Variants in SEZ6L2 observed in about 807,000 individuals in gnomAD.
SEZ6L2 encodes the protein seizure related 6 homolog like 2, also known as seizure 6-like protein 2.
SEZ6L2 carries 44 observed loss-of-function variants against 97.0 expected under a neutral mutation model. That is an observed-to-expected ratio of 0.45 (90% CI 0.36 to 0.58). The LOEUF (loss-of-function observed/expected upper bound fraction) is 0.58, where lower values mean the gene tolerates loss of function less well. SEZ6L2 is among the 20% of genes least tolerant of loss of function. SEZ6L2 has a pLI of 0.00. For missense variants in SEZ6L2, 1,086 were observed against 1,233.3 expected (o/e 0.88, Z 1.79); for synonymous variants, 543 against 546.1 (o/e 0.99, Z 0.08).
At chr16:29,878,557 T>C in intron 9 of SEZ6L2, 132 bp from the exon 10 acceptor site, 1 of 570,652 alleles carries the variant, frequency 1.8e-6, no homozygotes, top group Non-Finnish European at 2.6e-6. Context: ...TCCACCTGTT[T>C]CTTTTATTCT....
intron 7 of SEZ6L2, chr16:29,885,973 T>C (rs780067943): frequency 1.0e-4 from 43 of 427,516 alleles, no homozygotes; most frequent in Non-Finnish European, 1.5e-4. Context: ...TATTAGGGCA[T>C]AGAAAGATCA....
chr16:29,875,739 T>G (rs961459486), intron 12 of SEZ6L2, among the ~76,000 whole-genome samples: 1 of 147,550 alleles, frequency 6.8e-6, no homozygotes. Context: ...CTCAGCTTAC[T>G]GCAACCTCCA....
chr16:29,887,843 AG>A (rs2068181309), intron 6 of SEZ6L2, 26 bp from the exon 7 acceptor site: 1 of 1,611,914 alleles, frequency 6.2e-7, no homozygotes, highest in East Asian at 2.2e-5. Context: ...GGGTACGTTA[AG>A]GCCAGCCTGA....
intron 3 of SEZ6L2, among the ~76,000 whole-genome samples, 165 bp downstream of exon 3, chr16:29,896,657 C>T (rs2068396901): frequency 6.6e-6 from 1 of 152,194 alleles, no homozygotes; most frequent in Non-Finnish European, 1.5e-5. Context: ...ACAATTGGAA[C>T]ACTGCCTGGT....
At position 29,899,121 on chromosome 16, in the gene SEZ6L2, T is replaced by C. The variant is rs1273454045; in HGVS notation, c.-102A>G. 2.3e-6 allele frequency: 2 copies of C among 873,326 alleles called. No individual in the cohort carries two copies. Among genetic ancestry groups the C allele is most frequent in the African/African-American group, 3.5e-5 (2 of 56,754 alleles). 54.1% of individuals were successfully genotyped at this position (873,326 alleles called of 1,614,324 possible). On this transcript the variant is annotated 5_prime_UTR_variant, in exon 1 of 18. Transcript: ENST00000617533. ...CTTTCCCTTTAATTGTTTTTTTTTT[T>C]TTTTTTTTTTTCCTCGTAGGAGTCA...
At chr16:29,888,828 G>C in intron 5 of SEZ6L2, 103 bp from the exon 6 acceptor site, 1 of 1,039,816 alleles carries the variant, frequency 9.6e-7, no homozygotes, top group South Asian at 1.6e-5. Context: ...CAACCTTCCA[G>C]GGGCACACAC....
In SEZ6L2 at chr16:29,899,191, A is replaced by T; in HGVS notation, c.-172T>A. 1 of 584,808 alleles carries T rather than the reference A, an allele frequency of 1.7e-6. No individual in the cohort carries two copies. Among genetic ancestry groups the T allele is most frequent in the South Asian group, 1.8e-5 (1 of 54,224 alleles). 36.2% of individuals were successfully genotyped at this position (584,808 alleles called of 1,614,324 possible). A position where few individuals can be genotyped will look rare whatever the true frequency, so the allele number is the denominator to read the frequency against. On this transcript the variant is annotated 5_prime_UTR_variant, in exon 1 of 18. Transcript: ENST00000617533. ...CTGCCCCTTGGGATGGAGGGGCAGA[A>T]TTGGGCTAGGGGTCGCCTGGAGCCC...
chr16:29,892,194 G>A (rs1048110849), intron 5 of SEZ6L2, among the ~76,000 whole-genome samples: 3 of 152,308 alleles, frequency 2.0e-5, no homozygotes, highest in Admixed American at 1.3e-4. Flanking sequence ...AACTAATGAG[G>A]CCACTCTGGA....
Position 29,873,582 on chromosome 16 carries a change from T to G in SEZ6L2, c.2252A>C (p.Asp751Ala). 1 of 1,614,056 alleles carries G rather than the reference T, an allele frequency of 6.2e-7. No individual in the cohort carries two copies. Among genetic ancestry groups the G allele is most frequent in the South Asian group, 1.1e-5 (1 of 91,082 alleles). Residue 751 changes from aspartate (D) to alanine (A), a missense_variant, in exon 13 of 18, where the codon GAC (aspartate) becomes GCC (alanine). Asp to Ala is a moderately radical substitution (Grantham distance 126, BLOSUM62 -2). This residue lies in a region of SEZ6L2 where 310 missense variants were observed against 438.6 expected (regional missense o/e 0.71). Transcript: ENST00000617533. This position sits in a 1 kb window ranked among gnomAD's most constrained non-coding sequence, Gnocchi z 4.3. ...ATCGCTCCACTTGGGTGTGCCTGTG[T>G]CCCGGCTGTAGCAGGTGAGCATGGC... ...GAAMLTCYSR[D>A]TGTPKWSDRV... is the part of the protein sequence containing the mutation.
At chr16:29,880,788 G>T (rs1199122989) in intron 8 of SEZ6L2, among the ~76,000 whole-genome samples, 1 of 149,688 alleles carries the variant, frequency 6.7e-6, no homozygotes, top group Non-Finnish European at 1.5e-5. Context: ...TAGAGACAGG[G>T]TCTCACTCTG....
Position 29,887,785 on chromosome 16 carries a change from G to A in SEZ6L2, c.1072C>T (p.Leu358=). 6.2e-7 allele frequency: 1 copy of A among 1,613,928 alleles called. No individual in the cohort carries two copies. The highest frequency in any genetic ancestry group is 8.5e-7 in the Non-Finnish European group (1 of 1,179,960). Residue 358 remains leucine, a synonymous_variant, in exon 7 of 18, where the codon CTG becomes TTG. Transcript: ENST00000617533. ...GGCTCTGGGGACACGATGCGGCCCA[G>A]GGTGGCATTGTGGATGGTGCCACCA... ...SCGGTIHNAT[L]GRIVSPEPGG...
rs576176235 is a variant in SEZ6L2 at position 29,873,854 on chromosome 16, G to A, written c.2105-125C>T. On this transcript the variant is annotated intron_variant, in intron 12 of 17. Transcript: ENST00000617533. This position sits in a 1 kb window ranked among gnomAD's most constrained non-coding sequence, Gnocchi z 4.3. Reference sequence around the variant, plus strand: ...CCAGGAGTGGTGGCGCACTCCTGTGGTTCCAGCTACTCAGGAGTTGGAGGC... The same window carrying A: ...CCAGGAGTGGTGGCGCACTCCTGTGATTCCAGCTACTCAGGAGTTGGAGGC... 6 of 840,702 alleles carry A rather than the reference G, an allele frequency of 7.1e-6. No individual in the cohort carries two copies. The East Asian group carries it at 8.1e-5, about 11-fold the overall frequency. The allele number at this position is 840,702 out of a possible 1,614,324, so 52.1% of individuals were successfully genotyped here.
chr16:29,896,436 C>T (rs1391451350), intron 3 of SEZ6L2, among the ~76,000 whole-genome samples: 3 of 152,082 alleles, frequency 2.0e-5, no homozygotes, highest in East Asian at 1.9e-4. Flanking sequence ...TGCGCCACCA[C>T]GCCTGGCTAA....
intron 5 of SEZ6L2, among the ~76,000 whole-genome samples, chr16:29,891,943 A>T (rs553575458): frequency 6.6e-6 from 1 of 152,350 alleles, no homozygotes; most frequent in African/African-American, 2.4e-5. Context: ...GCCTCAATTA[A>T]TGAATGACTG....
chr16:29,897,007 G>A lies in SEZ6L2; in HGVS notation c.326C>T (p.Pro109Leu). The change falls in exon 3 of 18, where the codon CCT (proline) becomes CTT (leucine). Residue 109 changes from proline (P) to leucine (L), a missense_variant. Around this residue, in one of 2 missense-constraint regions of SEZ6L2, gnomAD observed 776 missense variants for 794.7 expected, o/e 0.98. Coordinates refer to ENST00000617533, the MANE Select transcript of SEZ6L2 (RefSeq NM_001243332.2). Reference protein sequence around the residue: ...GTGPLTTAVTPNGVRGAGPTA... With the variant: ...GTGPLTTAVTLNGVRGAGPTA... ...GGGGCCTGCCCCCCTGACCCCGTTA[G>A]GGGTGACGGCTGTTGTCAGAGGCCC... 6.9e-6 allele frequency: 11 copies of A among 1,585,514 alleles called. No homozygotes were observed. The highest frequency in any genetic ancestry group is 8.5e-6 in the Non-Finnish European group (10 of 1,169,868).
In SEZ6L2 at chr16:29,871,679, T is replaced by C. The variant is rs1405740863; in HGVS notation, c.*20A>G. ...AGGAGGGGAGGGGCGTCCTGGGTCCTGCAGCTGTAGTCTTGGGGTTCAGAT... is the reference window on the plus strand; with the variant it reads ...AGGAGGGGAGGGGCGTCCTGGGTCCCGCAGCTGTAGTCTTGGGGTTCAGAT... On this transcript the variant is annotated 3_prime_UTR_variant, in exon 18 of 18. Transcript: ENST00000617533. 3 of 1,606,374 alleles carry C rather than the reference T, an allele frequency of 1.9e-6. No individual in the cohort carries two copies. Among genetic ancestry groups the C allele is most frequent in the Non-Finnish European group, 2.6e-6 (3 of 1,176,314 alleles).
chr16:29,871,633 G>T lies in SEZ6L2; in HGVS notation c.*66C>A. 6.6e-7 allele frequency: 1 copy of T among 1,521,114 alleles called. No homozygotes were observed. Among genetic ancestry groups the T allele is most frequent in the East Asian group, 2.4e-5 (1 of 42,534 alleles). The allele number at this position is 1,521,114 out of a possible 1,614,324, so 94.2% of individuals were successfully genotyped here. A position where few individuals can be genotyped will look rare whatever the true frequency, so the allele number is the denominator to read the frequency against. On this transcript the variant is annotated 3_prime_UTR_variant, in exon 18 of 18. Transcript: ENST00000617533. ...AGCCAGGAGGCAGAGACCGGGTCCC[G>T]TATTTCCCTCTGCCCGAATGAGGAG...
At chr16:29,872,611 G>A in intron 15 of SEZ6L2, 85 bp from the exon 16 acceptor site, 1 of 1,598,780 alleles carries the variant, frequency 6.3e-7, no homozygotes, top group South Asian at 1.1e-5. Context: ...TCAAACCCTG[G>A]GCTTCATCCC....
At position 29,888,721 on chromosome 16, in the gene SEZ6L2, G is replaced by T; in HGVS notation, c.858C>A (p.Tyr286Ter). Residue 286 changes from tyrosine (Y) to a stop codon, truncating the protein, a stop_gained, in exon 6 of 18, where the codon TAC becomes TAA. Coordinates refer to ENST00000617533, the MANE Select transcript of SEZ6L2 (RefSeq NM_001243332.2). LOFTEE classifies it high-confidence loss of function. Reference sequence around the variant, plus strand: ...GGGGAGGGAAGCCACAGCTCAGGAGGTAGGCTGCACCAGACAGACAGCGGG... The same window carrying T: ...GGGGAGGGAAGCCACAGCTCAGGAGTTAGGCTGCACCAGACAGACAGCGGG... Reference protein sequence around the residue: ...GGGFRIHYQAYLLSCGFPPRP... With the variant: ...GGGFRIHYQA 1 of 1,611,546 alleles carries T rather than the reference G, an allele frequency of 6.2e-7. No individual in the cohort carries two copies. The highest frequency in any genetic ancestry group is 8.5e-7 in the Non-Finnish European group (1 of 1,179,066).
Sources: allele counts gnomAD v4.1 joint callset (sites outside exome capture counted in the v4.1 genomes callset), GRCh38; gene constraint gnomAD v4.1.1; regional missense constraint gnomAD v4.1.1; non-coding constraint Gnocchi (gnomAD v3.1); transcripts MANE v1.5; gene names NCBI Gene and HGNC (gene_info 2026-07-23, HGNC 2026-07-21).